Variants in ATP13A1 observed in about 807,000 individuals in gnomAD.
ATP13A1 encodes the protein ATPase 13A1.
Under a neutral mutation model 134.8 loss-of-function variants are expected in ATP13A1, and 55 were observed. That is an observed-to-expected ratio of 0.41 (90% CI 0.33 to 0.51). The LOEUF (loss-of-function observed/expected upper bound fraction) is 0.51, where lower values mean the gene tolerates loss of function less well. ATP13A1 is among the 20% of genes least tolerant of loss of function. ATP13A1 has a pLI of 0.29. For missense variants in ATP13A1, 1,389 were observed against 1,652.8 expected (o/e 0.84, Z 2.77); for synonymous variants, 775 against 725.1 (o/e 1.07, Z -1.10).
rs2061991168 is a variant in ATP13A1 at position 19,647,079 on chromosome 19, G to A, written c.3105+50C>T. 4 of 1,553,610 alleles carry A rather than the reference G, an allele frequency of 2.6e-6. No homozygotes were observed. Among genetic ancestry groups the A allele is most frequent in the Middle Eastern group, 1.7e-4 (1 of 5,754 alleles). ...CAATTCCCGTGCCTATATCAGCCTG[G>A]CCCTGGCAGGCCCATGCATCCCTGG... On this transcript the variant is annotated intron_variant, in intron 22 of 25. Transcript: ENST00000357324. This position sits in a 1 kb window ranked among gnomAD's most constrained non-coding sequence, Gnocchi z 4.8.
At position 19,659,885 on chromosome 19, in the gene ATP13A1, A is replaced by T; in HGVS notation, c.486+13T>A. On this transcript the variant is annotated intron_variant, in intron 2 of 25. Transcript: ENST00000357324. ...CAAGCCCCTCCTCCAGGAGCCCAGC[A>T]GGCAGTCCCTACCTCATTGCGGTGC... The T allele has an allele frequency of 6.3e-7, 1 of 1,588,992 alleles. No individual in the cohort carries two copies. The highest frequency in any genetic ancestry group is 8.6e-7 in the Non-Finnish European group (1 of 1,167,492).
Position 19,655,048 on chromosome 19 carries a change from G to T in ATP13A1, c.1655+71C>A. 1 of 1,586,548 alleles carries T rather than the reference G, an allele frequency of 6.3e-7. No homozygotes were observed. Among genetic ancestry groups the T allele is most frequent in the South Asian group, 1.1e-5 (1 of 87,746 alleles). ...CTCACTGCAAGGGCTTGGGGTGGAT[G>T]GGCCACCTGTCTCTCGACTTCCCAG... On this transcript the variant is annotated intron_variant, in intron 12 of 25. Transcript: ENST00000357324. The surrounding 1 kb of genome is among the most constrained non-coding windows in gnomAD (Gnocchi z 5.7).
chr19:19,647,583 C>T lies in ATP13A1; in HGVS notation c.2793+16G>A. 6.2e-7 allele frequency: 1 copy of T among 1,613,234 alleles called. No homozygotes were observed. Among genetic ancestry groups the T allele is most frequent in the South Asian group, 1.1e-5 (1 of 91,018 alleles). On this transcript the variant is annotated intron_variant, in intron 20 of 25. Coordinates refer to ENST00000357324, the MANE Select transcript of ATP13A1 (RefSeq NM_020410.3). This position sits in a 1 kb window ranked among gnomAD's most constrained non-coding sequence, Gnocchi z 4.8. The stretch of plus-strand genomic sequence containing the variant: ...TGGCCAGGATGGGGTGCAGCACCTC[C>T]CCTCTTGGGACTCACCCTCTGGGAG...
intron 1 of ATP13A1, among the ~76,000 whole-genome samples, chr19:19,661,829 T>C (rs751645420): frequency 1.3e-5 from 2 of 152,198 alleles, no homozygotes; most frequent in Non-Finnish European, 2.9e-5. Flanking sequence ...GGGTGGTTCA[T>C]GGGCCTCCAA....
Position 19,655,901 on chromosome 19 carries a change from G to A in ATP13A1, c.1246C>T (p.Arg416Trp), listed in dbSNP as rs1057154134. 1.9e-6 allele frequency: 3 copies of A among 1,595,494 alleles called. No individual in the cohort carries two copies. The highest frequency in any genetic ancestry group is 1.7e-6 in the Non-Finnish European group (2 of 1,175,866). The change falls in exon 9 of 26, where the codon CGG becomes TGG. Residue 416 changes from arginine (R) to tryptophan (W), a missense_variant. By Grantham distance (101) the Arg-to-Trp change is moderately radical. This residue lies in a region of ATP13A1 where 747 missense variants were observed against 956.1 expected (regional missense o/e 0.78). Transcript: ENST00000357324. This position sits in a 1 kb window ranked among gnomAD's most constrained non-coding sequence, Gnocchi z 5.7. Reference sequence around the variant, plus strand: ...ACCTGGGATGTGTTGAATCCGGTCCGCAGGACGTAGGCCACGCACCCGCTG... The same window carrying A: ...ACCTGGGATGTGTTGAATCCGGTCCACAGGACGTAGGCCACGCACCCGCTG... ...VDSGCVAYVLRTGFNTSQGKL... is the reference protein window; with the variant it reads ...VDSGCVAYVLWTGFNTSQGKL...
chr19:19,654,246 C>G, intron 13 of ATP13A1, 102 bp from the exon 14 acceptor site: 1 of 1,275,734 alleles, frequency 7.8e-7, no homozygotes, highest in Non-Finnish European at 1.1e-6. Flanking sequence ...CTGCCTCCCC[C>G]AGGGCCTGAT....
At position 19,655,210 on chromosome 19, in the gene ATP13A1, G is replaced by A; in HGVS notation, c.1564C>T (p.Pro522Ser). Residue 522 changes from proline (P) to serine (S), a missense_variant, in exon 12 of 26, where the codon CCC (proline) becomes TCC (serine). By Grantham distance (74) the Pro-to-Ser change is moderately conservative. Transcript: ENST00000357324. This position sits in a 1 kb window ranked among gnomAD's most constrained non-coding sequence, Gnocchi z 5.7. ...YMYCTEPFRIPFAGKVEVCCF... is the reference protein window; with the variant it reads ...YMYCTEPFRISFAGKVEVCCF... ...CACACCTCGACCTTGCCAGCAAAGG[G>A]GATCCGGAAGGGCTCTGTGCAGTAC... The A allele has an allele frequency of 6.2e-7, 1 of 1,614,038 alleles. No homozygotes were observed.
intron 3 of ATP13A1, among the ~76,000 whole-genome samples, chr19:19,658,343 C>A (rs572480347): frequency 6.6e-6 from 1 of 152,154 alleles, no homozygotes; most frequent in South Asian, 2.1e-4. Flanking sequence ...CAAAGAGCAA[C>A]CCCACTGCTA....
At chr19:19,648,486 C>T (rs1370927148) in intron 19 of ATP13A1, among the ~76,000 whole-genome samples, 1 of 147,608 alleles carries the variant, frequency 6.8e-6, no homozygotes, top group Non-Finnish European at 1.5e-5. Context: ...CAATTTAACA[C>T]CTGAGTTCTT....
rs768847451 is a variant in ATP13A1 at position 19,655,288 on chromosome 19, G to A, written c.1534+28C>T. ...GGTCCTGCTTGGCCCCAGCCCACTC[G>A]GCACCCCATCCCATTTGACACACTC... is the stretch of plus-strand genomic sequence containing the variant. On this transcript the variant is annotated intron_variant, in intron 11 of 25. Transcript: ENST00000357324. This position sits in a 1 kb window ranked among gnomAD's most constrained non-coding sequence, Gnocchi z 5.7. 18 of 1,613,918 alleles carry A rather than the reference G, an allele frequency of 1.1e-5. No individual in the cohort carries two copies. Among genetic ancestry groups the A allele is most frequent in the East Asian group, 4.5e-5 (2 of 44,870 alleles).
Position 19,655,261 on chromosome 19 carries a change from G to A in ATP13A1, c.1535-22C>T, listed in dbSNP as rs375083571. ...ATGTCTAGGGGCGGGAGTGAGGTCA[G>A]GGGTCCTGCTTGGCCCCAGCCCACT... On this transcript the variant is annotated intron_variant, in intron 11 of 25. Transcript: ENST00000357324. The surrounding 1 kb of genome is among the most constrained non-coding windows in gnomAD (Gnocchi z 5.7). 2 of 1,613,940 alleles carry A rather than the reference G, an allele frequency of 1.2e-6. No individual in the cohort carries two copies. The highest frequency in any genetic ancestry group is 1.7e-6 in the Non-Finnish European group (2 of 1,179,874).
chr19:19,645,979 C>T lies in ATP13A1; in HGVS notation c.3255G>A (p.Glu1085=), dbSNP rs1255291571. 6.2e-7 allele frequency: 1 copy of T among 1,611,686 alleles called. No homozygotes were observed. The highest frequency in any genetic ancestry group is 1.7e-5 in the Admixed American group (1 of 60,016). ...EAQARSPEKQ[E]QFVDLYKEFE... is the part of the protein sequence containing the mutation. Reference sequence around the variant, plus strand: ...ACTCCTTGTACAAGTCCACGAACTGCTCCTGCCTGCAAGGACACATGGGAG... The same window carrying T: ...ACTCCTTGTACAAGTCCACGAACTGTTCCTGCCTGCAAGGACACATGGGAG... Residue 1085 remains glutamate, a synonymous_variant, in exon 24 of 26, where the codon GAG becomes GAA. Coordinates refer to ENST00000357324, the MANE Select transcript of ATP13A1 (RefSeq NM_020410.3). This position sits in a 1 kb window ranked among gnomAD's most constrained non-coding sequence, Gnocchi z 4.1.
intron 4 of ATP13A1, 81 bp from the exon 5 acceptor site, chr19:19,657,230 G>C (rs1298991127): frequency 6.7e-6 from 10 of 1,486,376 alleles, no homozygotes; most frequent in Non-Finnish European, 8.1e-6. Flanking sequence ...TCTGATATGT[G>C]AGGGTGGGGA....
chr19:19,649,622 G>C lies in ATP13A1; in HGVS notation c.2577C>G (p.Thr859=), dbSNP rs759762228. Reference sequence around the variant, plus strand: ...CGTTGGTGCCATCCCCACACATGAGGGTCACGTAGCCCAGCTCCTTCAGGC... The same window carrying C: ...CGTTGGTGCCATCCCCACACATGAGCGTCACGTAGCCCAGCTCCTTCAGGC... ...ITSLKELGYV[T]LMCGDGTNDV... The change falls in exon 19 of 26, where the codon ACC becomes ACG. Residue 859 remains threonine (T), a synonymous_variant. Transcript: ENST00000357324. 5 of 1,613,910 alleles carry C rather than the reference G, an allele frequency of 3.1e-6. No individual in the cohort carries two copies. The South Asian group carries it at 5.5e-5, about 18-fold the overall frequency.
chr19:19,647,846 C>T lies in ATP13A1; in HGVS notation c.2633-87G>A. 6.9e-7 allele frequency: 1 copy of T among 1,455,360 alleles called. No individual in the cohort carries two copies. Among genetic ancestry groups the T allele is most frequent in the South Asian group, 1.3e-5 (1 of 75,126 alleles). 90.2% of individuals were successfully genotyped at this position (1,455,360 alleles called of 1,614,324 possible). A position where few individuals can be genotyped will look rare whatever the true frequency, so the allele number is the denominator to read the frequency against. On this transcript the variant is annotated intron_variant, in intron 19 of 25. Transcript: ENST00000357324. This position sits in a 1 kb window ranked among gnomAD's most constrained non-coding sequence, Gnocchi z 4.8. ...CTTCAGAGCCACTGGTCCTGAAGTC[C>T]CCCAGCTGGCTCCCGTGAGGACAGT...
chr19:19,653,047 C>T lies in ATP13A1; in HGVS notation c.2101-327G>A, dbSNP rs976447739. On this transcript the variant is annotated intron_variant, in intron 15 of 25. Transcript: ENST00000357324. The surrounding 1 kb of genome is among the most constrained non-coding windows in gnomAD (Gnocchi z 4.2). Reference sequence around the variant, plus strand: ...CTCTCCCAATAATGTTGGAGTTTAGCCAGGAACTCTTACTCACTGGGGCTC... The same window carrying T: ...CTCTCCCAATAATGTTGGAGTTTAGTCAGGAACTCTTACTCACTGGGGCTC... 1.6e-5 allele frequency: 5 copies of T among 304,382 alleles called. No individual in the cohort carries two copies. Among genetic ancestry groups the T allele is most frequent in the East Asian group, 7.6e-5 (1 of 13,226 alleles). 18.9% of individuals were successfully genotyped at this position (304,382 alleles called of 1,614,324 possible).
intron 17 of ATP13A1, chr19:19,651,396 C>T (rs1384319796): frequency 1.1e-5 from 3 of 269,586 alleles, no homozygotes; most frequent in African/African-American, 2.2e-5. Flanking sequence ...GGGGAGTAAG[C>T]GTGGTAGGAG....
intron 17 of ATP13A1, chr19:19,651,481 C>G: frequency 6.4e-6 from 3 of 470,680 alleles, no homozygotes; most frequent in Non-Finnish European, 1.1e-5. Context: ...AAATAAACAC[C>G]TACATGCCGC....
chr19:19,662,148 T>C (rs2062098907), intron 1 of ATP13A1: 1 of 1,555,168 alleles, frequency 6.4e-7, no homozygotes. Context: ...CTAAGCTGCT[T>C]AGCTGCAGGT....
Sources: allele counts gnomAD v4.1 joint callset (sites outside exome capture counted in the v4.1 genomes callset), GRCh38; gene constraint gnomAD v4.1.1; regional missense constraint gnomAD v4.1.1; non-coding constraint Gnocchi (gnomAD v3.1); transcripts MANE v1.5; gene names NCBI Gene and HGNC (gene_info 2026-07-23, HGNC 2026-07-21).